FAM221A: variants seen among roughly 807,000 people sequenced by gnomAD.
FAM221A encodes protein FAM221A.
FAM221A carries 43 observed loss-of-function variants against 37.6 expected under a neutral mutation model. The observed-to-expected ratio is 1.15, with a 90% CI of 0.90 to 1.48. The LOEUF is 1.48. FAM221A is among the 40% of genes most tolerant of loss of function. The probability of loss-of-function intolerance (pLI) is 0.00; values close to 1 mark genes in which losing one functional copy is unlikely to be tolerated. For synonymous variants in FAM221A, 135 were observed against 132.9 expected (o/e 1.02, Z -0.11); for missense variants, 361 against 361.5 (o/e 1.00, Z 0.01).
At chr7:23,702,033 C>A in intron 6 of FAM221A, 63 bp from the exon 7 acceptor site, 2 of 1,165,012 alleles carry the variant, frequency 1.7e-6, no homozygotes, top group Non-Finnish European at 2.4e-6. Flanking sequence ...GAGTTTTCTG[C>A]AAGTTTTTTT....
rs546005117 is a variant in FAM221A, at chr7:23,698,078, G to A, written c.638-114G>A. The A allele has an allele frequency of 9.8e-5, 64 of 651,678 alleles. 1 individual carries two copies. The African/African-American group carries it at 1.0e-3, about 11-fold the overall frequency. 40.4% of individuals were successfully genotyped at this position (651,678 alleles called of 1,614,324 possible). On this transcript the variant is annotated intron_variant, in intron 4 of 6. Coordinates refer to ENST00000344962, the MANE Select transcript of FAM221A (RefSeq NM_199136.5). ...CCCAGTCTAAAATTTTTTTTTTATA[G>A]AAAGAATTTCTAATAATTCTGCTGA...
chr7:23,681,867 G>C (rs180859182), intron 1 of FAM221A, among the ~76,000 whole-genome samples: 6 of 152,262 alleles, frequency 3.9e-5, no homozygotes, highest in African/African-American at 1.4e-4. Context: ...GGGAAGATGA[G>C]TCAAAATATG....
rs532263790 is a variant in FAM221A, at chr7:23,685,296, A to G, written c.239+624A>G. Among the ~76,000 whole-genome samples the G allele has an allele frequency of 2.0e-5, 3 of 151,604 alleles. No individual in the cohort carries two copies. The South Asian group carries it at 6.3e-4, about 32-fold the overall frequency. On this transcript the variant is annotated intron_variant, in intron 2 of 6. Coordinates refer to ENST00000344962, the MANE Select transcript of FAM221A (RefSeq NM_199136.5). ...ACAAAACAAAACAAAACAAAACAAAACAAAACAAAACCCCACAAAAATTAT... is the reference window on the plus strand; with the variant it reads ...ACAAAACAAAACAAAACAAAACAAAGCAAAACAAAACCCCACAAAAATTAT...
chr7:23,686,492 T>C (rs1410465387), intron 2 of FAM221A: 2 of 295,908 alleles, frequency 6.8e-6, no homozygotes, highest in Non-Finnish European at 1.3e-5. Flanking sequence ...CTGGAACTCC[T>C]GGGCTTAAGT....
At chr7:23,689,967 T>G (rs1399611295) in intron 3 of FAM221A, among the ~76,000 whole-genome samples, 1 of 151,866 alleles carries the variant, frequency 6.6e-6, no homozygotes, top group Non-Finnish European at 1.5e-5. Context: ...TTACACTGGA[T>G]CATCCATTCA....
intron 1 of FAM221A, among the ~76,000 whole-genome samples, chr7:23,682,616 G>C (rs145258977): frequency 6.6e-6 from 1 of 151,530 alleles, no homozygotes; most frequent in Non-Finnish European, 1.5e-5. Flanking sequence ...GTAGAGACAG[G>C]GTTTTGCTAT....
chr7:23,690,110 C>A (rs4273752), intron 3 of FAM221A, among the ~76,000 whole-genome samples: 1 of 143,092 alleles, frequency 7.0e-6, no homozygotes, highest in Admixed American at 7.2e-5. Context: ...AGGAATAAAT[C>A]TTTCATTGGC....
At chr7:23,685,960 C>T (rs1784342098) in intron 2 of FAM221A, among the ~76,000 whole-genome samples, 1 of 152,162 alleles carries the variant, frequency 6.6e-6, no homozygotes, top group Non-Finnish European at 1.5e-5. Context: ...ATTTCTGGGG[C>T]TCTTTCACAG....
chr7:23,686,330 C>G, intron 2 of FAM221A: 1 of 424,384 alleles, frequency 2.4e-6, no homozygotes, highest in Non-Finnish European at 4.7e-6. Flanking sequence ...GTGGCACGAT[C>G]TTGGCTCATT....
rs1261345063 is a variant in FAM221A at position 23,680,293 on chromosome 7, T to G, written c.65+10T>G. ...ACCTGGAGTACCGGAGGTGAGGCTG[T>G]GGCTCCGGGCCTGCCCCCCCGCCGC... On this transcript the variant is annotated intron_variant, in intron 1 of 6. Coordinates refer to ENST00000344962, the MANE Select transcript of FAM221A (RefSeq NM_199136.5). The G allele has an allele frequency of 6.5e-7, 1 of 1,538,834 alleles. No individual in the cohort carries two copies. Among genetic ancestry groups the G allele is most frequent in the Non-Finnish European group, 8.8e-7 (1 of 1,141,310 alleles).
intron 5 of FAM221A, among the ~76,000 whole-genome samples, chr7:23,698,980 G>GTTT (rs1785228277): frequency 6.6e-6 from 1 of 152,234 alleles, no homozygotes; most frequent in African/African-American, 2.4e-5. Flanking sequence ...TAATTGCTTT[G>GTTT]TTTAAACTTC....
At chr7:23,692,700 A>T (rs1362640386) in intron 4 of FAM221A, 5 of 984,250 alleles carry the variant, frequency 5.1e-6, no homozygotes, top group African/African-American at 1.7e-5. Context: ...GTGGAAAAAG[A>T]AAGAAATTAA....
At chr7:23,684,249 T>C (rs1784230859) in intron 1 of FAM221A, among the ~76,000 whole-genome samples, 1 of 151,446 alleles carries the variant, frequency 6.6e-6, no homozygotes, top group Non-Finnish European at 1.5e-5. Context: ...GGGCAAACGC[T>C]CGGTGGGCTT....
At chr7:23,686,690 T>C (rs1218806528) in intron 2 of FAM221A, 1 of 153,726 alleles carries the variant, frequency 6.5e-6, no homozygotes, top group Non-Finnish European at 1.4e-5. Context: ...ATGGGGGATA[T>C]ATAGAAACAT....
chr7:23,689,580 A>G, intron 3 of FAM221A, 121 bp downstream of exon 3: 2 of 680,030 alleles, frequency 2.9e-6, no homozygotes, highest in Non-Finnish European at 4.5e-6. Flanking sequence ...TAGAGTTAAT[A>G]TTCAGTTATG....
intron 5 of FAM221A, among the ~76,000 whole-genome samples, chr7:23,699,144 TTC>T (rs1411342630): frequency 6.7e-6 from 1 of 148,304 alleles, no homozygotes; most frequent in Non-Finnish European, 1.5e-5. Context: ...TTGAGACAAG[TTC>T]TCTCTCTGTT....
rs1476262489 is a variant in FAM221A, at chr7:23,698,316, T to C, written c.745+17T>C. The stretch of plus-strand genomic sequence containing the variant: ...TAACAGATGGTAATGAAATGAAGTT[T>C]AGAACTGTTTTTGGATGTAGTAAAT... On this transcript the variant is annotated intron_variant, in intron 5 of 6. Coordinates refer to ENST00000344962, the MANE Select transcript of FAM221A (RefSeq NM_199136.5). 7.3e-7 allele frequency: 1 copy of C among 1,378,254 alleles called. No homozygotes were observed. The highest frequency in any genetic ancestry group is 1.0e-6 in the Non-Finnish European group (1 of 985,526). The allele number at this position is 1,378,254 out of a possible 1,614,324, so 85.4% of individuals were successfully genotyped here.
At chr7:23,695,155 T>A (rs1784976320) in intron 4 of FAM221A, among the ~76,000 whole-genome samples, 1 of 151,714 alleles carries the variant, frequency 6.6e-6, no homozygotes. Context: ...TTTTATATTT[T>A]TTTTAGAGAC....
chr7:23,701,278 C>T (rs546896073), intron 6 of FAM221A, among the ~76,000 whole-genome samples: 1 of 124,546 alleles, frequency 8.0e-6, no homozygotes, highest in African/African-American at 3.2e-5. Flanking sequence ...CTTGGTCTGT[C>T]GCCCAGGCTG....
Sources: allele counts gnomAD v4.1 joint callset (sites outside exome capture counted in the v4.1 genomes callset), GRCh38; gene constraint gnomAD v4.1.1; transcripts MANE v1.5; gene names NCBI Gene and HGNC (gene_info 2026-07-23, HGNC 2026-07-21).